KCNAB1: variants seen among roughly 807,000 people sequenced by gnomAD.
KCNAB1 encodes voltage-gated potassium channel subunit beta-1.
In KCNAB1, 35 loss-of-function variants were observed where a neutral mutation model predicts 64.6. That is an observed-to-expected ratio of 0.54 (90% CI 0.41 to 0.72). The LOEUF (loss-of-function observed/expected upper bound fraction) is 0.72. Among genes scored for constraint, KCNAB1 ranks in the 30% least tolerant of loss-of-function variants. KCNAB1 has a pLI of 0.00. For synonymous variants in KCNAB1, 177 were observed against 183.8 expected (o/e 0.96, Z 0.30); for missense variants, 401 against 512.9 (o/e 0.78, Z 2.11).
intron 2 of KCNAB1, among the ~76,000 whole-genome samples, chr3:156,435,719 A>G (rs1362431821): frequency 6.6e-6 from 1 of 152,190 alleles, no homozygotes; most frequent in African/African-American, 2.4e-5. Context: ...AATCTGCAAG[A>G]GTGAGATTCT....
chr3:156,366,765 A>C (rs1560219853), intron 1 of KCNAB1, among the ~76,000 whole-genome samples: 1 of 152,256 alleles, frequency 6.6e-6, no homozygotes. Context: ...GGAATCCAGT[A>C]TCTCTGCATC....
rs369224487 is a variant in KCNAB1, at chr3:156,120,906, C to G, written c.275+20C>G. ...GCACAGGTAAGCTGCCCCTGCTCTG[C>G]GCGGGCTTTGGGAGACGCCGTTCGA... On this transcript the variant is annotated intron_variant, in intron 1 of 13. Transcript: ENST00000490337. The G allele has an allele frequency of 1.2e-5, 20 of 1,610,688 alleles. No individual in the cohort carries two copies. In the African/African-American group the frequency reaches 2.5e-4, roughly 20 times the overall value.
intron 1 of KCNAB1, among the ~76,000 whole-genome samples, chr3:156,317,089 G>A (rs1722323897): frequency 1.3e-5 from 2 of 152,154 alleles, no homozygotes; most frequent in African/African-American, 4.8e-5. Flanking sequence ...ATTTGGTGGT[G>A]TTTTTCAGTT....
chr3:156,333,412 C>T (rs894751317), intron 1 of KCNAB1, among the ~76,000 whole-genome samples: 6 of 151,560 alleles, frequency 4.0e-5, no homozygotes, highest in East Asian at 1.9e-4. Flanking sequence ...CATTGACCTT[C>T]GTCTTGCTTT....
chr3:156,502,390 T>A lies in KCNAB1; in HGVS notation c.659-11974T>A, dbSNP rs566170674. Among the ~76,000 whole-genome samples, 13 of 152,022 alleles carry A rather than the reference T, an allele frequency of 8.6e-5. No individual in the cohort carries two copies. The South Asian group carries it at 2.3e-3, about 27-fold the overall frequency. On this transcript the variant is annotated intron_variant, in intron 8 of 13. Transcript: ENST00000490337. The stretch of plus-strand genomic sequence containing the variant: ...AGACTCCAGAAACAGACACTAGCAT[T>A]TATAAAACATTGATATTTGACAAAA...
chr3:156,531,795 TG>T (rs1718719272), intron 13 of KCNAB1, among the ~76,000 whole-genome samples: 1 of 152,244 alleles, frequency 6.6e-6, no homozygotes, highest in African/African-American at 2.4e-5. Context: ...ATAACTTGCT[TG>T]GAAATTTAAG....
intron 1 of KCNAB1, among the ~76,000 whole-genome samples, chr3:156,385,115 T>G (rs1259092597): frequency 2.0e-5 from 3 of 152,232 alleles, no homozygotes; most frequent in African/African-American, 7.2e-5. Flanking sequence ...GACTTTGGCT[T>G]TTCCTGCCAA....
rs545539276 is a variant in KCNAB1 at position 156,292,785 on chromosome 3, C to T, written c.276-128831C>T. On this transcript the variant is annotated intron_variant, in intron 1 of 13. Coordinates refer to ENST00000490337, the MANE Select transcript of KCNAB1 (RefSeq NM_172160.3). ...CTCGAACTCCTGACCTCAAGTGATC[C>T]GCCGGCCTTGGCCTCCCAAAGTGCT... 2.0e-5 allele frequency among the ~76,000 whole-genome samples: 3 copies of T among 152,288 alleles called. No individual in the cohort carries two copies. The East Asian group carries it at 5.8e-4, about 29-fold the overall frequency.
Position 156,177,621 on chromosome 3 carries a change from C to A in KCNAB1, c.275+56735C>A, listed in dbSNP as rs1338750995. 2.0e-5 allele frequency among the ~76,000 whole-genome samples: 3 copies of A among 152,230 alleles called. No homozygotes were observed. The East Asian group carries it at 5.8e-4, about 29-fold the overall frequency. Reference sequence around the variant, plus strand: ...CTCGATCTCCTGACCTCGTGATCCGCCCGCCTTGGCCTCCCAAAGTGCTGG... The same window carrying A: ...CTCGATCTCCTGACCTCGTGATCCGACCGCCTTGGCCTCCCAAAGTGCTGG... On this transcript the variant is annotated intron_variant, in intron 1 of 13. Transcript: ENST00000490337.
At chr3:156,518,048 G>A (rs1021239551) in intron 11 of KCNAB1, among the ~76,000 whole-genome samples, 3 of 152,164 alleles carry the variant, frequency 2.0e-5, no homozygotes, top group African/African-American at 7.2e-5. Flanking sequence ...CTCCATCACT[G>A]TTTGAGAAAA....
chr3:156,455,048 T>C (rs144779486), intron 3 of KCNAB1, among the ~76,000 whole-genome samples: 1 of 152,154 alleles, frequency 6.6e-6, no homozygotes, highest in Non-Finnish European at 1.5e-5. Context: ...CCAGAGAGCA[T>C]CTGTGGCCTT....
At chr3:156,249,129 G>C (rs1452374072) in intron 1 of KCNAB1, among the ~76,000 whole-genome samples, 1 of 151,972 alleles carries the variant, frequency 6.6e-6, no homozygotes, top group African/African-American at 2.4e-5. Flanking sequence ...ATAATGTTAG[G>C]CAATGAAAAG....
intron 1 of KCNAB1, among the ~76,000 whole-genome samples, chr3:156,391,777 C>G (rs1410491176): frequency 6.6e-6 from 1 of 152,164 alleles, no homozygotes; most frequent in Non-Finnish European, 1.5e-5. Flanking sequence ...GTAGAGCAAT[C>G]CCAACTGTAT....
At chr3:156,226,390 T>G (rs1172633956) in intron 1 of KCNAB1, among the ~76,000 whole-genome samples, 1 of 152,064 alleles carries the variant, frequency 6.6e-6, no homozygotes, top group Non-Finnish European at 1.5e-5. Context: ...TATCTATCTC[T>G]CACCTCATAC....
At chr3:156,170,783 G>A (rs1249485740) in intron 1 of KCNAB1, among the ~76,000 whole-genome samples, 3 of 152,280 alleles carry the variant, frequency 2.0e-5, no homozygotes, top group Non-Finnish European at 4.4e-5. Flanking sequence ...CAAATGTAAA[G>A]CAAAGTGCAA....
At chr3:156,157,846 AT>A (rs1715812744) in intron 1 of KCNAB1, among the ~76,000 whole-genome samples, 3 of 152,010 alleles carry the variant, frequency 2.0e-5, no homozygotes, top group South Asian at 4.2e-4. Context: ...AAGGTGGATT[AT>A]TTTTTTTCCT....
intron 1 of KCNAB1, among the ~76,000 whole-genome samples, chr3:156,179,867 G>A (rs550560394): frequency 1.2e-4 from 18 of 152,234 alleles, no homozygotes; most frequent in Admixed American, 9.2e-4. Context: ...TGTTTTTAAC[G>A]TAAATCATCC....
intron 1 of KCNAB1, among the ~76,000 whole-genome samples, chr3:156,311,762 A>G (rs551998382): frequency 4.3e-4 from 66 of 152,316 alleles, no homozygotes; most frequent in African/African-American, 1.5e-3. Context: ...AGTTATTCCA[A>G]ACCTCTGGTG....
rs1278063154 is a variant in KCNAB1 at position 156,523,965 on chromosome 3, C to CTATG, written c.1081+19_1081+22dup. On this transcript the variant is annotated intron_variant, in intron 12 of 13. Coordinates refer to ENST00000490337, the MANE Select transcript of KCNAB1 (RefSeq NM_172160.3). ...AGCTGTTGGTAAGAAAATTACTAAG[C>CTATG]TATGGGGTGGTAGAGGGACTTCTGC... 6.2e-7 allele frequency: 1 copy of CTATG among 1,611,280 alleles called. No individual in the cohort carries two copies. Among genetic ancestry groups the CTATG allele is most frequent in the Admixed American group, 1.7e-5 (1 of 59,540 alleles).
Sources: allele counts gnomAD v4.1 joint callset (sites outside exome capture counted in the v4.1 genomes callset), GRCh38; gene constraint gnomAD v4.1.1; transcripts MANE v1.5; gene names NCBI Gene and HGNC (gene_info 2026-07-23, HGNC 2026-07-21).